Variants in TM4SF5 observed in about 807,000 individuals in gnomAD.
TM4SF5 encodes transmembrane 4 L six family member 5.
A neutral mutation model predicts 22.3 loss-of-function variants in TM4SF5; 16 were observed. That is an observed-to-expected ratio of 0.72 (90% CI 0.49 to 1.09). The LOEUF is 1.09. Among genes scored for constraint, TM4SF5 ranks in the 50% least tolerant of loss-of-function variants. The pLI is 0.00. For missense variants in TM4SF5, 249 were observed against 266.1 expected (o/e 0.94, Z 0.45); for synonymous variants, 113 against 109.6 (o/e 1.03, Z -0.19).
intron 1 of TM4SF5, among the ~76,000 whole-genome samples, chr17:4,778,500 G>A (rs761863330): frequency 2.6e-5 from 4 of 151,802 alleles, no homozygotes; most frequent in African/African-American, 7.3e-5. Flanking sequence ...CCAGCTACTC[G>A]GGAGGCCGAG....
At position 4,783,051 on chromosome 17, in the gene TM4SF5, C is replaced by A. The variant is rs199651917; in HGVS notation, c.579+14C>A. On this transcript the variant is annotated intron_variant, in intron 4 of 4. Transcript: ENST00000270560. ...AGGAAAAAACAGGTGAAATTTCTTGCGGTGGAGTTGTAGAGGGAACCTGCC... is the reference window on the plus strand; with the variant it reads ...AGGAAAAAACAGGTGAAATTTCTTGAGGTGGAGTTGTAGAGGGAACCTGCC... The A allele has an allele frequency of 4.1e-5, 66 of 1,613,978 alleles. No individual in the cohort carries two copies. The highest frequency in any genetic ancestry group is 5.6e-5 in the Non-Finnish European group (66 of 1,179,970).
rs778375611 is a variant in TM4SF5, at chr17:4,783,110, G to C, written c.580-4G>C. 1 of 1,614,016 alleles carries C rather than the reference G, an allele frequency of 6.2e-7. No homozygotes were observed. Among genetic ancestry groups the C allele is most frequent in the African/African-American group, 1.3e-5 (1 of 74,924 alleles). On this transcript the variant is annotated splice_region_variant and splice_polypyrimidine_tract_variant and intron_variant, in intron 4 of 4. Transcript: ENST00000270560. ...GCTGCGTTCTCACCTTCTCTTTTCC[G>C]CAGGACACACCTCACTGAGGCTCCA...
At chr17:4,775,417 C>T (rs916749433) in intron 1 of TM4SF5, among the ~76,000 whole-genome samples, 4 of 151,532 alleles carry the variant, frequency 2.6e-5, no homozygotes, top group Non-Finnish European at 5.9e-5. Flanking sequence ...CGCCACCACG[C>T]ACAGCAAATT....
intron 1 of TM4SF5, among the ~76,000 whole-genome samples, chr17:4,776,312 T>C (rs1917204431): frequency 6.6e-6 from 1 of 151,640 alleles, no homozygotes; most frequent in African/African-American, 2.4e-5. Context: ...TGCTTTTTTG[T>C]TTTTTTTGAA....
At chr17:4,772,232 C>CT in intron 1 of TM4SF5, 133 bp downstream of exon 1, 1 of 1,125,666 alleles carries the variant, frequency 8.9e-7, no homozygotes, top group Non-Finnish European at 1.3e-6. Flanking sequence ...TGGGGGCTAG[C>CT]AGCCCTCTGG....
intron 2 of TM4SF5, among the ~76,000 whole-genome samples, chr17:4,781,086 G>A (rs1431960190): frequency 4.6e-5 from 7 of 150,748 alleles, no homozygotes; most frequent in Admixed American, 1.3e-4. Flanking sequence ...AGGCTGAGGT[G>A]GGAGGGCCGC....
intron 1 of TM4SF5, among the ~76,000 whole-genome samples, chr17:4,778,854 A>G (rs1031499059): frequency 6.6e-6 from 1 of 151,882 alleles, no homozygotes; most frequent in African/African-American, 2.4e-5. Context: ...TCAGGAGATC[A>G]AGACCATTCT....
intron 1 of TM4SF5, among the ~76,000 whole-genome samples, chr17:4,776,146 G>A (rs1784406662): frequency 6.6e-6 from 1 of 152,150 alleles, no homozygotes; most frequent in Admixed American, 6.6e-5. Flanking sequence ...ACCGCGCCTG[G>A]CCTGTGTCTG....
intron 1 of TM4SF5, among the ~76,000 whole-genome samples, chr17:4,778,650 CTGTGGAAT>C (rs1917247663): frequency 6.6e-6 from 1 of 151,998 alleles, no homozygotes; most frequent in Admixed American, 6.6e-5. Flanking sequence ...AGCAAGACAG[CTGTGGAAT>C]TCCAGAGATA....
chr17:4,780,679 C>A, intron 1 of TM4SF5, 110 bp from the exon 2 acceptor site: 1 of 775,734 alleles, frequency 1.3e-6, no homozygotes, highest in Non-Finnish European at 2.1e-6. Context: ...TTCTACAGTC[C>A]AAAGGGCTGA....
At chr17:4,777,879 C>T (rs1345166384) in intron 1 of TM4SF5, among the ~76,000 whole-genome samples, 2 of 151,864 alleles carry the variant, frequency 1.3e-5, no homozygotes, top group South Asian at 2.1e-4. Flanking sequence ...AGCAAAACTT[C>T]GTCTCAAAAA....
At chr17:4,775,298 G>A (rs1425801606) in intron 1 of TM4SF5, among the ~76,000 whole-genome samples, 2 of 148,924 alleles carry the variant, frequency 1.3e-5, no homozygotes, top group Non-Finnish European at 3.0e-5. Context: ...TCACTGTGTC[G>A]CCCGGGCTGC....
intron 1 of TM4SF5, among the ~76,000 whole-genome samples, chr17:4,773,775 C>G (rs1917159840): frequency 6.6e-6 from 1 of 152,162 alleles, no homozygotes; most frequent in African/African-American, 2.4e-5. Context: ...ACGGGGTGCT[C>G]CCTCTGCAAC....
At chr17:4,772,620 T>A (rs73973632) in intron 1 of TM4SF5, among the ~76,000 whole-genome samples, 1 of 152,144 alleles carries the variant, frequency 6.6e-6, no homozygotes, top group African/African-American at 2.4e-5. Context: ...AGAACTTAGG[T>A]CAGTATGGCA....
rs185299933 is a variant in TM4SF5, at chr17:4,780,861, C to T, written c.250C>T (p.Arg84Cys). The change falls in exon 2 of 5, where the codon CGC (arginine) becomes TGC (cysteine). Residue 84 changes from arginine (R) to cysteine (C), a missense_variant. Arg to Cys is a radical substitution (Grantham distance 180, BLOSUM62 -3). Transcript: ENST00000270560. ...GCCGAGCCGN[R>C]CRMLRSVFSS... ...CTGTGGTGCTGGGTGCTGTGGAAAC[C>T]GCTGCAGGGTAAGATCCAGATTAAG... 1.2e-5 allele frequency: 19 copies of T among 1,611,826 alleles called. No homozygotes were observed. The highest frequency in any genetic ancestry group is 5.0e-5 in the Admixed American group (3 of 59,748).
intron 1 of TM4SF5, 48 bp from the exon 2 acceptor site, chr17:4,780,741 C>T: frequency 6.5e-7 from 1 of 1,532,060 alleles, no homozygotes; most frequent in Non-Finnish European, 8.9e-7. Context: ...CAAGTCAGGC[C>T]TGGAGGATCT....
In TM4SF5 at chr17:4,779,345, C is replaced by T. The variant is rs192913735; in HGVS notation, c.178-1444C>T. Among the ~76,000 whole-genome samples, 775 of 152,184 alleles carry T rather than the reference C, an allele frequency of 5.1e-3. 8 individuals are homozygous for T. Among genetic ancestry groups the T allele is most frequent in the Admixed American group, 9.3e-3 (142 of 15,266 alleles). ...TCAGGAGGCTGAGGCAGGAGGATCA[C>T]TTGAGCCCAGGAGGTCAAGGCTAAA... On this transcript the variant is annotated intron_variant, in intron 1 of 4. Transcript: ENST00000270560.
intron 1 of TM4SF5, among the ~76,000 whole-genome samples, chr17:4,779,412 G>A (rs1282305214): frequency 6.6e-6 from 1 of 152,088 alleles, no homozygotes. Flanking sequence ...CTGGGTGGCA[G>A]AGTGAGACCC....
At position 4,782,996 on chromosome 17, in the gene TM4SF5, G is replaced by C; in HGVS notation, c.538G>C (p.Ala180Pro). ...IVLCGIQLVN[A>P]TIGVFCGDCR... Reference sequence around the variant, plus strand: ...ACTGTGTGGGATCCAGCTGGTGAACGCGACCATTGGTGTCTTCTGCGGCGA... The same window carrying C: ...ACTGTGTGGGATCCAGCTGGTGAACCCGACCATTGGTGTCTTCTGCGGCGA... Residue 180 changes from alanine to proline, a missense_variant, in exon 4 of 5, where the codon GCG becomes CCG. Physicochemically the swap from Ala to Pro is conservative, Grantham distance 27. Coordinates refer to ENST00000270560, the MANE Select transcript of TM4SF5 (RefSeq NM_003963.3). 2 of 1,614,220 alleles carry C rather than the reference G, an allele frequency of 1.2e-6. No individual in the cohort carries two copies.
Sources: gnomAD v4.1 joint callset for allele counts (sites outside exome capture counted in the v4.1 genomes callset) on GRCh38, gnomAD v4.1.1 for gene constraint, MANE v1.5 for transcripts, NCBI Gene and HGNC (gene_info 2026-07-23, HGNC 2026-07-21) for gene names.